The following NRXN3 variants were observed in gnomAD, a reference collection of about 807,000 sequenced individuals.
NRXN3 encodes neurexin III.
A neutral mutation model predicts 137.6 loss-of-function variants in NRXN3; 32 were observed. The observed-to-expected ratio is 0.23, with a 90% CI of 0.18 to 0.31. The LOEUF (loss-of-function observed/expected upper bound fraction) is 0.31, where lower values mean the gene tolerates loss of function less well. Ranked by LOEUF, NRXN3 falls within the 10% of genes least tolerant of loss-of-function variation. The probability of loss-of-function intolerance (pLI) is 1.00; values close to 1 mark genes in which losing one functional copy is unlikely to be tolerated. For synonymous variants in NRXN3, 798 were observed against 784.5 expected, an observed-to-expected ratio of 1.02 and a Z score of -0.29; for missense variants, 1,574 against 2,062.5, an observed-to-expected ratio of 0.76 and a Z score of 4.59.
Position 79,529,659 on chromosome 14 carries a change from A to G in NRXN3, c.3444+62257A>G, listed in dbSNP as rs189377994. Among the ~76,000 whole-genome samples, 71 of 152,362 alleles carry G rather than the reference A, an allele frequency of 4.7e-4. 1 individual carries two copies. The highest frequency in any genetic ancestry group is 1.7e-3 in the African/African-American group (70 of 41,594). ...CTTTGAAACTCCAAAAATCTTTAAAATATGTAAATTCATTTAGACTTTACT... is the reference window on the plus strand; with the variant it reads ...CTTTGAAACTCCAAAAATCTTTAAAGTATGTAAATTCATTTAGACTTTACT... On this transcript the variant is annotated intron_variant, in intron 16 of 20. Transcript: ENST00000335750.
chr14:79,674,815 AT>A (rs2098631810), intron 17 of NRXN3, among the ~76,000 whole-genome samples: 1 of 152,040 alleles, frequency 6.6e-6, no homozygotes, highest in African/African-American at 2.4e-5. Context: ...ATTTGTTTTC[AT>A]TTTAATCACA....
chr14:79,212,589 G>A (rs1273557279), intron 15 of NRXN3, among the ~76,000 whole-genome samples: 1 of 152,106 alleles, frequency 6.6e-6, no homozygotes, highest in Non-Finnish European at 1.5e-5. Flanking sequence ...CTTTATACCT[G>A]TTGTTTTAAA....
chr14:79,231,154 G>A (rs534606477), intron 15 of NRXN3, among the ~76,000 whole-genome samples: 4 of 152,176 alleles, frequency 2.6e-5, no homozygotes, highest in Admixed American at 2.6e-4. Context: ...TCATGCCATC[G>A]GGCTGTCTTG....
At chr14:79,856,137 GC>G (rs2099402025) in intron 20 of NRXN3, among the ~76,000 whole-genome samples, 1 of 152,164 alleles carries the variant, frequency 6.6e-6, no homozygotes, top group African/African-American at 2.4e-5. Context: ...TGGTGGGGAA[GC>G]GAGGGAGAAT....
intron 16 of NRXN3, among the ~76,000 whole-genome samples, chr14:79,474,775 G>A (rs2096544892): frequency 6.6e-6 from 1 of 151,960 alleles, no homozygotes; most frequent in Admixed American, 6.6e-5. Flanking sequence ...ATGGGAAATG[G>A]GAATATGCCA....
chr14:79,812,306 G>A (rs2140873380), intron 20 of NRXN3, among the ~76,000 whole-genome samples: 1 of 152,112 alleles, frequency 6.6e-6, no homozygotes, highest in Admixed American at 6.6e-5. Context: ...CACTAGAATA[G>A]GTGCTGGGAA....
intron 4 of NRXN3, among the ~76,000 whole-genome samples, chr14:78,471,612 C>T (rs2153729796): frequency 6.6e-6 from 1 of 152,232 alleles, no homozygotes; most frequent in South Asian, 2.1e-4. Context: ...AACCTGGGTA[C>T]CAGGGTTGAA....
At chr14:78,321,840 T>C (rs1289109400) in intron 4 of NRXN3, among the ~76,000 whole-genome samples, 1 of 151,996 alleles carries the variant, frequency 6.6e-6, no homozygotes, top group Non-Finnish European at 1.5e-5. Flanking sequence ...ATTGCTTGAG[T>C]GTCTGTTGTG....
At chr14:79,156,993 A>G (rs1482444369) in intron 15 of NRXN3, among the ~76,000 whole-genome samples, 1 of 151,694 alleles carries the variant, frequency 6.6e-6, no homozygotes, top group Non-Finnish European at 1.5e-5. Flanking sequence ...GTATTTCCAG[A>G]CTTTGTAACA....
intron 6 of NRXN3, among the ~76,000 whole-genome samples, chr14:78,704,736 A>G (rs1461636815): frequency 6.6e-6 from 1 of 152,158 alleles, no homozygotes; most frequent in African/African-American, 2.4e-5. Context: ...TTGGGCAAGT[A>G]TGTATCCCTG....
chr14:79,557,564 C>T (rs982349611), intron 16 of NRXN3, among the ~76,000 whole-genome samples: 5 of 152,178 alleles, frequency 3.3e-5, no homozygotes, highest in South Asian at 2.1e-4. Context: ...ATAAAATTTA[C>T]GTTGACATTC....
intron 17 of NRXN3, among the ~76,000 whole-genome samples, chr14:79,681,766 A>G (rs1476849341): frequency 6.6e-6 from 1 of 151,612 alleles, no homozygotes; most frequent in Non-Finnish European, 1.5e-5. Context: ...TTCCAATTTA[A>G]CACACTGGAA....
intron 15 of NRXN3, among the ~76,000 whole-genome samples, chr14:79,130,697 C>T (rs1393519027): frequency 6.6e-6 from 1 of 152,144 alleles, no homozygotes; most frequent in Admixed American, 6.5e-5. Context: ...GTGGCGTTCT[C>T]TGTATTTCCT....
intron 5 of NRXN3, among the ~76,000 whole-genome samples, chr14:78,646,815 T>C (rs1292915296): frequency 1.3e-5 from 2 of 152,226 alleles, no homozygotes; most frequent in Admixed American, 1.3e-4. Flanking sequence ...TCTTCTTTCG[T>C]CATTCCTCAT....
intron 15 of NRXN3, among the ~76,000 whole-genome samples, chr14:79,151,381 C>T (rs2059781734): frequency 6.6e-6 from 1 of 151,988 alleles, no homozygotes; most frequent in African/African-American, 2.4e-5. Context: ...CAGAGGTGAG[C>T]CTCCAGCTGC....
chr14:78,663,766 T>A (rs781339767), intron 6 of NRXN3, among the ~76,000 whole-genome samples: 4 of 152,160 alleles, frequency 2.6e-5, no homozygotes, highest in Non-Finnish European at 5.9e-5. Context: ...TCTAAAAATG[T>A]CACTTATTTA....
chr14:78,224,262 T>G (rs2064209943), intron 1 of NRXN3, among the ~76,000 whole-genome samples: 1 of 152,068 alleles, frequency 6.6e-6, no homozygotes, highest in African/African-American at 2.4e-5. Flanking sequence ...TACCTACATT[T>G]ACTTTTTTTG....
chr14:79,761,267 G>A (rs2099037459), intron 19 of NRXN3, among the ~76,000 whole-genome samples: 1 of 151,650 alleles, frequency 6.6e-6, no homozygotes, highest in Admixed American at 6.6e-5. Flanking sequence ...TGATAAGGAA[G>A]CAGCGAACTT....
intron 15 of NRXN3, among the ~76,000 whole-genome samples, chr14:79,318,520 A>T (rs1252819813): frequency 1.3e-5 from 2 of 152,224 alleles, no homozygotes; most frequent in African/African-American, 4.8e-5. Context: ...TTTCCCTTTT[A>T]GCATCATCAC....
Sources: gnomAD v4.1 joint callset for allele counts (sites outside exome capture counted in the v4.1 genomes callset) on GRCh38, gnomAD v4.1.1 for gene constraint, MANE v1.5 for transcripts, NCBI Gene and HGNC (gene_info 2026-07-23, HGNC 2026-07-21) for gene names.